CDC20B: variants seen among roughly 807,000 people sequenced by gnomAD.
CDC20B encodes the protein cell division cycle protein 20 homolog B.
A neutral mutation model predicts 64.1 loss-of-function variants in CDC20B; 58 were observed. The ratio of observed to expected loss-of-function variants is 0.90; its 90% CI spans 0.73 to 1.13. CDC20B has a LOEUF of 1.13. Among genes scored for constraint, CDC20B ranks in the 50% most tolerant of loss-of-function variants. The pLI, the probability that CDC20B is intolerant of heterozygous loss-of-function variation, is 0.00. For synonymous variants in CDC20B, 243 were observed against 230.6 expected (o/e 1.05, Z -0.49); for missense variants, 597 against 633.0 (o/e 0.94, Z 0.61).
chr5:55,150,419 C>T (rs1272063220), intron 2 of CDC20B, among the ~76,000 whole-genome samples: 2 of 152,198 alleles, frequency 1.3e-5, no homozygotes, highest in Non-Finnish European at 2.9e-5. Flanking sequence ...AGGGTGCTGG[C>T]CCACCCTGCC....
At chr5:55,158,123 G>C (rs1340600335) in intron 2 of CDC20B, among the ~76,000 whole-genome samples, 1 of 152,120 alleles carries the variant, frequency 6.6e-6, no homozygotes, top group African/African-American at 2.4e-5. Flanking sequence ...GTGTCATGAG[G>C]AGATCCTGTA....
At chr5:55,122,442 C>T (rs1315987531) in intron 9 of CDC20B, among the ~76,000 whole-genome samples, 1 of 151,998 alleles carries the variant, frequency 6.6e-6, no homozygotes, top group Non-Finnish European at 1.5e-5. Context: ...TGGCCTCACT[C>T]TATTTTAAAG....
chr5:55,171,235 C>T (rs1168321302), intron 2 of CDC20B, among the ~76,000 whole-genome samples: 1 of 152,204 alleles, frequency 6.6e-6, no homozygotes, highest in East Asian at 1.9e-4. Context: ...ATCACTTGAA[C>T]CCGGGAGCTG....
At chr5:55,128,356 A>T in intron 7 of CDC20B, 65 bp downstream of exon 7, 1 of 1,313,356 alleles carries the variant, frequency 7.6e-7, no homozygotes, top group Non-Finnish European at 1.0e-6. Flanking sequence ...ACTTGTTATT[A>T]AAAGTCAATT....
chr5:55,161,010 A>C (rs1303736038), intron 2 of CDC20B: 14 of 1,613,126 alleles, frequency 8.7e-6, no homozygotes, highest in Non-Finnish European at 1.2e-5. Context: ...CTAGTTGTAA[A>C]CGTGGCCAGT....
intron 4 of CDC20B, among the ~76,000 whole-genome samples, chr5:55,140,968 T>C (rs1335971621): frequency 6.6e-6 from 1 of 152,178 alleles, no homozygotes; most frequent in African/African-American, 2.4e-5. Flanking sequence ...CCTAAAAACA[T>C]AGTGATAAAT....
At chr5:55,125,813 T>C (rs1742873493) in intron 8 of CDC20B, among the ~76,000 whole-genome samples, 1 of 152,262 alleles carries the variant, frequency 6.6e-6, no homozygotes, top group East Asian at 1.9e-4. Context: ...ATTAACAATA[T>C]GGGCTCTGGA....
In CDC20B at chr5:55,128,417, G is replaced by T. The variant is rs968404577; in HGVS notation, c.894+4C>A. 2 of 1,595,440 alleles carry T rather than the reference G, an allele frequency of 1.3e-6. No individual in the cohort carries two copies. Among genetic ancestry groups the T allele is most frequent in the Admixed American group, 1.8e-5 (1 of 54,652 alleles). On this transcript the variant is annotated splice_donor_region_variant and intron_variant, in intron 7 of 11. Coordinates refer to ENST00000381375, the MANE Select transcript of CDC20B (RefSeq NM_001170402.1). Reference sequence around the variant, plus strand: ...TGATGAGAAAAAAAAAAACTGGCCAGTACTTGCACTTCTCCCTCGCTGGTG... The same window carrying T: ...TGATGAGAAAAAAAAAAACTGGCCATTACTTGCACTTCTCCCTCGCTGGTG...
chr5:55,130,825 T>A (rs557609986), intron 6 of CDC20B, among the ~76,000 whole-genome samples: 8 of 152,148 alleles, frequency 5.3e-5, no homozygotes, highest in Non-Finnish European at 1.5e-5. Context: ...TATGTAAATA[T>A]AAAATGCATG....
intron 11 of CDC20B, among the ~76,000 whole-genome samples, chr5:55,119,021 C>A (rs148223415): frequency 5.9e-5 from 9 of 152,306 alleles, no homozygotes; most frequent in Middle Eastern, 3.4e-3. Context: ...CCAAAAAGTA[C>A]CTCCCACATA....
At chr5:55,117,426 T>C (rs1742650556) in intron 11 of CDC20B, among the ~76,000 whole-genome samples, 1 of 152,208 alleles carries the variant, frequency 6.6e-6, no homozygotes, top group Non-Finnish European at 1.5e-5. Context: ...AACTATAACA[T>C]AAGTTTCATA....
intron 9 of CDC20B, among the ~76,000 whole-genome samples, chr5:55,122,859 G>A (rs367746464): frequency 2.6e-5 from 4 of 152,158 alleles, no homozygotes; most frequent in Admixed American, 6.5e-5. Flanking sequence ...TTTAGCTTCC[G>A]ATGCTGTCTG....
intron 4 of CDC20B, among the ~76,000 whole-genome samples, chr5:55,142,829 C>T (rs1232023433): frequency 6.6e-6 from 1 of 152,126 alleles, no homozygotes; most frequent in South Asian, 2.1e-4. Flanking sequence ...AAAAGGCATA[C>T]ACTGAATAAG....
At chr5:55,158,844 A>G (rs368590133) in intron 2 of CDC20B, among the ~76,000 whole-genome samples, 1 of 152,322 alleles carries the variant, frequency 6.6e-6, no homozygotes, top group East Asian at 1.9e-4. Flanking sequence ...CCCCTGTGCC[A>G]GGCAACAGCC....
chr5:55,115,480 C>G (rs1057372948), intron 11 of CDC20B, among the ~76,000 whole-genome samples: 9 of 152,190 alleles, frequency 5.9e-5, no homozygotes, highest in African/African-American at 2.2e-4. Context: ...GCTAGTGCTC[C>G]TTGGAAAATG....
chr5:55,126,509 C>T, intron 8 of CDC20B: 2 of 219,784 alleles, frequency 9.1e-6, no homozygotes, highest in Non-Finnish European at 1.8e-5. Context: ...ATTTATCTAA[C>T]TTAAGTCTAC....
intron 2 of CDC20B, chr5:55,160,826 G>T (rs1350520638): frequency 1.6e-6 from 1 of 629,862 alleles, no homozygotes; most frequent in Non-Finnish European, 2.6e-6. Context: ...CTTAACCCAG[G>T]CATCTAGGTT....
intron 2 of CDC20B, chr5:55,164,813 G>T (rs1744294399): frequency 6.6e-6 from 1 of 152,064 alleles, no homozygotes; most frequent in African/African-American, 2.4e-5. Context: ...TTTAAGTACA[G>T]GTTCCTAGTG....
At position 55,146,835 on chromosome 5, in the gene CDC20B, T is replaced by C. The variant is rs764144733; in HGVS notation, c.148A>G (p.Thr50Ala). The C allele has an allele frequency of 1.9e-6, 3 of 1,613,920 alleles. No individual in the cohort carries two copies. The highest frequency in any genetic ancestry group is 2.7e-5 in the African/African-American group (2 of 74,912). The change falls in exon 3 of 12, where the codon ACG (threonine) becomes GCG (alanine). Residue 50 changes from threonine (T) to alanine (A), a missense_variant. By Grantham distance (58) the Thr-to-Ala change is moderately conservative (BLOSUM62 0). Transcript: ENST00000381375. ...AAGTTGCTCTTAAAGTCAGAATACGTAGCATTAACTGAATCGAGTACCTGT... is the reference window on the plus strand; with the variant it reads ...AAGTTGCTCTTAAAGTCAGAATACGCAGCATTAACTGAATCGAGTACCTGT... Reference protein sequence around the residue: ...SANVLDSVNATYSDFKSNFAK... With the variant: ...SANVLDSVNAAYSDFKSNFAK...
Sources: gnomAD v4.1 joint callset for allele counts (sites outside exome capture counted in the v4.1 genomes callset) on GRCh38, gnomAD v4.1.1 for gene constraint, MANE v1.5 for transcripts, NCBI Gene and HGNC (gene_info 2026-07-23, HGNC 2026-07-21) for gene names.